The following USP8 variants were observed in gnomAD, a reference collection of about 807,000 sequenced individuals.
The protein encoded by USP8 is ubiquitin specific peptidase 8.
Under a neutral mutation model 130.0 loss-of-function variants are expected in USP8, and 27 were observed. The ratio of observed to expected loss-of-function variants is 0.21; its 90% CI spans 0.15 to 0.29. The LOEUF (loss-of-function observed/expected upper bound fraction) is 0.29, where lower values mean the gene tolerates loss of function less well. USP8 is among the 10% of genes least tolerant of loss of function. The probability of loss-of-function intolerance (pLI) is 1.00; values close to 1 mark genes in which losing one functional copy is unlikely to be tolerated. For synonymous variants in USP8, 392 were observed against 444.1 expected, an observed-to-expected ratio of 0.88 and a Z score of 1.48; for missense variants, 1,029 against 1,312.2, an observed-to-expected ratio of 0.78 and a Z score of 3.33.
At chr15:50,439,458 C>G (rs1030741367) in intron 2 of USP8, among the ~76,000 whole-genome samples, 2 of 152,086 alleles carry the variant, frequency 1.3e-5, no homozygotes, top group Non-Finnish European at 2.9e-5. Flanking sequence ...AAAAATTCAG[C>G]CAGAAGTCAT....
intron 14 of USP8, among the ~76,000 whole-genome samples, chr15:50,492,433 C>T (rs1225720294): frequency 1.3e-5 from 2 of 152,136 alleles, no homozygotes; most frequent in Non-Finnish European, 2.9e-5. Flanking sequence ...GTGAGATAAT[C>T]TATCTCAAGG....
rs1428538525 is a variant in USP8 at position 50,493,059 on chromosome 15, G to A, written c.2447+146G>A. ...AAGAACAAAAATTTATTTTCTCTTA[G>A]TTCTTGACTGGGAAGGCCATCGTCT... On this transcript the variant is annotated intron_variant, in intron 15 of 19. Coordinates refer to ENST00000307179, the MANE Select transcript of USP8 (RefSeq NM_005154.5). 4.6e-6 allele frequency: 4 copies of A among 872,122 alleles called. No individual in the cohort carries two copies. In the African/African-American group the frequency reaches 5.0e-5, roughly 11 times the overall value. The allele number at this position is 872,122 out of a possible 1,614,324, so 54.0% of individuals were successfully genotyped here. A position where few individuals can be genotyped will look rare whatever the true frequency, so the allele number is the denominator to read the frequency against.
At position 50,510,444 on chromosome 15, in the gene USP8, G is replaced by T. The variant is rs1032924656; in HGVS notation, c.*11356G>T. 5 of 151,686 alleles carry T rather than the reference G, an allele frequency of 3.3e-5. No individual in the cohort carries two copies. Among genetic ancestry groups the T allele is most frequent in the Non-Finnish European group, 7.4e-5 (5 of 67,940 alleles). The allele number at this position is 151,686 out of a possible 1,614,324, so 9.4% of individuals were successfully genotyped here. The stretch of plus-strand genomic sequence containing the variant: ...AAATGCAGTTTGTGAATTTTGGATG[G>T]ATTCTGGTCTTTGAAAAAAAATGCT... On this transcript the variant is annotated 3_prime_UTR_variant, in exon 20 of 20. Transcript: ENST00000307179.
chr15:50,479,751 G>A (rs1039015106), intron 10 of USP8, among the ~76,000 whole-genome samples: 4 of 151,420 alleles, frequency 2.6e-5, no homozygotes, highest in Non-Finnish European at 5.9e-5. Flanking sequence ...CACTAACCTC[G>A]TTTTCTTTTT....
At chr15:50,494,638 T>C (rs1025216747) in intron 16 of USP8, among the ~76,000 whole-genome samples, 6 of 152,264 alleles carry the variant, frequency 3.9e-5, no homozygotes, top group Non-Finnish European at 5.9e-5. Flanking sequence ...GTATATGTTA[T>C]TGTACATATC....
At position 50,500,789 on chromosome 15, in the gene USP8, T is replaced by G. The variant is rs1324990557; in HGVS notation, c.*1701T>G. The G allele has an allele frequency of 3.8e-6, 6 of 1,590,628 alleles. No individual in the cohort carries two copies. The highest frequency in any genetic ancestry group is 5.1e-6 in the Non-Finnish European group (6 of 1,168,042). On this transcript the variant is annotated 3_prime_UTR_variant, in exon 20 of 20. Transcript: ENST00000307179. The stretch of plus-strand genomic sequence containing the variant: ...CTATATCAGGCCTGGGTGACTGAAT[T>G]CTTGCAGAAAGCAGTGTAGTGGCCA...
intron 16 of USP8, among the ~76,000 whole-genome samples, chr15:50,494,801 G>C (rs1336275321): frequency 6.6e-6 from 1 of 152,156 alleles, no homozygotes; most frequent in Non-Finnish European, 1.5e-5. Context: ...GATCACCTGA[G>C]GTCAGGAGTT....
At chr15:50,457,129 C>T (rs1310073581) in intron 4 of USP8, among the ~76,000 whole-genome samples, 1 of 152,074 alleles carries the variant, frequency 6.6e-6, no homozygotes, top group Non-Finnish European at 1.5e-5. Context: ...ATTTTGAGTT[C>T]AGAAGTCATT....
In USP8 at chr15:50,477,502, A is replaced by G; in HGVS notation, c.1218+3A>G. On this transcript the variant is annotated splice_donor_region_variant and intron_variant, in intron 10 of 19. Transcript: ENST00000307179. Reference sequence around the variant, plus strand: ...CTAGTATAAAGAATGTTCCACAGGTATGTTCTTGATTTTAACATTATTCTC... The same window carrying G: ...CTAGTATAAAGAATGTTCCACAGGTGTGTTCTTGATTTTAACATTATTCTC... 1 of 1,603,428 alleles carries G rather than the reference A, an allele frequency of 6.2e-7. No homozygotes were observed. The highest frequency in any genetic ancestry group is 8.5e-7 in the Non-Finnish European group (1 of 1,175,682).
chr15:50,477,561 T>A, intron 10 of USP8, 62 bp downstream of exon 10: 1 of 1,441,780 alleles, frequency 6.9e-7, no homozygotes. Context: ...ATAGTATAGC[T>A]GGGCACAGTG....
intron 1 of USP8, among the ~76,000 whole-genome samples, chr15:50,426,107 G>C (rs1033274475): frequency 2.0e-5 from 3 of 152,136 alleles, no homozygotes; most frequent in African/African-American, 7.2e-5. Context: ...GGTGACAAGA[G>C]CAAAACTCCG....
In USP8 at chr15:50,471,694, AG is replaced by A; in HGVS notation, c.753del (p.Asn252MetfsTer26). 6.2e-7 allele frequency: 1 copy of A among 1,614,048 alleles called. No homozygotes were observed. On this transcript the variant is annotated frameshift_variant, in exon 8 of 20. Transcript: ENST00000307179. LOFTEE classifies it high-confidence loss of function. ...PDDSKDTWKK[R>X]GNVEYVVLLD... ...TGATTCTAAAGACACATGGAAGAAG[AG>A]GGGGAATGTGGAGTATGTGGTACTT...
intron 1 of USP8, among the ~76,000 whole-genome samples, chr15:50,435,807 AAAGG>A (rs1441446333): frequency 2.0e-5 from 3 of 152,236 alleles, no homozygotes; most frequent in Non-Finnish European, 4.4e-5. Context: ...TGGGGACAGA[AAAGG>A]AAGCTTTTAA....
chr15:50,499,147 A>C lies in USP8; in HGVS notation c.*59A>C. 2.0e-6 allele frequency: 3 copies of C among 1,487,970 alleles called. No homozygotes were observed. The East Asian group carries it at 6.8e-5, about 34-fold the overall frequency. 92.2% of individuals were successfully genotyped at this position (1,487,970 alleles called of 1,614,324 possible). ...AAGGCTCAGCAACACAACTCTTGAAATGCTTATCAGGATAATGGTAGCTAT... is the reference window on the plus strand; with the variant it reads ...AAGGCTCAGCAACACAACTCTTGAACTGCTTATCAGGATAATGGTAGCTAT... On this transcript the variant is annotated 3_prime_UTR_variant, in exon 20 of 20. Transcript: ENST00000307179.
intron 10 of USP8, among the ~76,000 whole-genome samples, chr15:50,479,584 C>T (rs1181083236): frequency 6.6e-6 from 1 of 151,966 alleles, no homozygotes; most frequent in Non-Finnish European, 1.5e-5. Flanking sequence ...TAAATGGAAA[C>T]AACATTTATT....
chr15:50,448,152 G>T (rs902628979), intron 3 of USP8, among the ~76,000 whole-genome samples: 2 of 152,084 alleles, frequency 1.3e-5, no homozygotes, highest in African/African-American at 2.4e-5. Flanking sequence ...TGTTTATATG[G>T]CTCCACCATT....
At chr15:50,457,564 GA>G (rs527284552) in intron 4 of USP8, among the ~76,000 whole-genome samples, 904 of 89,410 alleles carry the variant, frequency 0.01, 9 homozygotes, top group African/African-American at 0.035. Context: ...TCTCAAAAAA[GA>G]AAAAAAAAAA....
At chr15:50,450,124 A>G (rs2050579271) in intron 4 of USP8, among the ~76,000 whole-genome samples, 1 of 149,110 alleles carries the variant, frequency 6.7e-6, no homozygotes, top group Non-Finnish European at 1.5e-5. Context: ...CGAGCTCCTG[A>G]CCTCAAGTGA....
chr15:50,428,947 G>C (rs956780230), intron 1 of USP8, among the ~76,000 whole-genome samples: 2 of 152,214 alleles, frequency 1.3e-5, no homozygotes, highest in South Asian at 2.1e-4. Context: ...AGTCAGTCTG[G>C]TAACTGAGAC....
Sources: gnomAD v4.1 joint callset for allele counts (sites outside exome capture counted in the v4.1 genomes callset) on GRCh38, gnomAD v4.1.1 for gene constraint, MANE v1.5 for transcripts, NCBI Gene and HGNC (gene_info 2026-07-23, HGNC 2026-07-21) for gene names.